DCUN1D4: variants seen among roughly 807,000 people sequenced by gnomAD.
The protein encoded by DCUN1D4 is defective in cullin neddylation 1 domain containing 4, also known as DCN1-like protein 4.
Under a neutral mutation model 47.9 loss-of-function variants are expected in DCUN1D4, and 22 were observed. The observed-to-expected ratio is 0.46, with a 90% confidence interval of 0.33 to 0.66. The LOEUF (loss-of-function observed/expected upper bound fraction) is 0.66. Ranked by LOEUF, DCUN1D4 falls within the 30% of genes least tolerant of loss-of-function variation. DCUN1D4 has a pLI of 0.02. For synonymous variants in DCUN1D4, 121 were observed against 112.2 expected (o/e 1.08, Z -0.50); for missense variants, 301 against 340.8 (o/e 0.88, Z 0.92).
Position 51,878,799 on chromosome 4 carries a change from G to T in DCUN1D4, c.343+945G>T, listed in dbSNP as rs550816944. On this transcript the variant is annotated intron_variant, in intron 5 of 10. Coordinates refer to ENST00000334635, the MANE Select transcript of DCUN1D4 (RefSeq NM_001040402.3). Reference sequence around the variant, plus strand: ...AGTAGCCTTTTCTGTACTTCCACAGGATAGTGTTTATAACTTGTTGTAACT... The same window carrying T: ...AGTAGCCTTTTCTGTACTTCCACAGTATAGTGTTTATAACTTGTTGTAACT... Among the ~76,000 whole-genome samples the T allele has an allele frequency of 3.9e-5, 6 of 152,270 alleles. No homozygotes were observed. The South Asian group carries it at 1.2e-3, about 32-fold the overall frequency.
intron 1 of DCUN1D4, chr4:51,843,473 C>A (rs1460131015): frequency 5.8e-6 from 7 of 1,205,818 alleles, no homozygotes; most frequent in Non-Finnish European, 7.4e-6. Flanking sequence ...GGGAAGGGAC[C>A]GGCCTGCGGG....
intron 7 of DCUN1D4, among the ~76,000 whole-genome samples, 179 bp downstream of exon 7, chr4:51,892,030 T>TTATA (rs1730508502): frequency 6.6e-6 from 1 of 152,148 alleles, no homozygotes; most frequent in African/African-American, 2.4e-5. Flanking sequence ...TCTGGGCAAA[T>TTATA]TTATAAAGTG....
chr4:51,869,043 G>A (rs1456848667), intron 3 of DCUN1D4, among the ~76,000 whole-genome samples: 1 of 145,892 alleles, frequency 6.9e-6, no homozygotes, highest in African/African-American at 2.6e-5. Flanking sequence ...GCTTGAATCT[G>A]GACCCGGGGG....
At chr4:51,846,872 A>G (rs1722631899) in intron 1 of DCUN1D4, among the ~76,000 whole-genome samples, 1 of 152,132 alleles carries the variant, frequency 6.6e-6, no homozygotes, top group South Asian at 2.1e-4. Flanking sequence ...CATTTGCCTC[A>G]TGTTTGCAGT....
rs1409529196 is a variant in DCUN1D4, at chr4:51,916,807, GAATAA to G, written c.*3226_*3230del. The G allele has an allele frequency of 6.6e-6, 1 of 152,568 alleles. No individual in the cohort carries two copies. Among genetic ancestry groups the G allele is most frequent in the Non-Finnish European group, 1.5e-5 (1 of 68,012 alleles). 9.5% of individuals were successfully genotyped at this position (152,568 alleles called of 1,614,324 possible). A position where few individuals can be genotyped will look rare whatever the true frequency, so the allele number is the denominator to read the frequency against. Reference sequence around the variant, plus strand: ...ACATTGATGTAAAATGATATCCCATGAATAAAAAGTATTTGTGTTTGGTTTCAGAA... The same window carrying G: ...ACATTGATGTAAAATGATATCCCATGAAAGTATTTGTGTTTGGTTTCAGAA... On this transcript the variant is annotated 3_prime_UTR_variant, in exon 11 of 11. Transcript: ENST00000334635.
At chr4:51,905,314 C>T (rs373560403) in intron 8 of DCUN1D4, 6 of 425,282 alleles carry the variant, frequency 1.4e-5, no homozygotes, top group Admixed American at 7.2e-5. Context: ...CTGCCCTTGA[C>T]GTCCAGGCCA....
chr4:51,890,756 G>A (rs1257877173), intron 6 of DCUN1D4, among the ~76,000 whole-genome samples: 3 of 152,204 alleles, frequency 2.0e-5, no homozygotes, highest in African/African-American at 7.2e-5. Context: ...TCCCTGTGTA[G>A]CATTCCAGAT....
chr4:51,906,866 G>C (rs1001940366), intron 8 of DCUN1D4, among the ~76,000 whole-genome samples: 2 of 152,166 alleles, frequency 1.3e-5, no homozygotes, highest in Non-Finnish European at 1.5e-5. Flanking sequence ...AAGAGCTCCA[G>C]CTTAGAATCA....
At chr4:51,881,821 A>G (rs1728683096) in intron 5 of DCUN1D4, among the ~76,000 whole-genome samples, 1 of 152,186 alleles carries the variant, frequency 6.6e-6, no homozygotes. Context: ...TAGAATCCCA[A>G]CAAATCATGC....
chr4:51,883,842 A>C (rs1198345423), intron 5 of DCUN1D4, among the ~76,000 whole-genome samples: 1 of 152,110 alleles, frequency 6.6e-6, no homozygotes, highest in African/African-American at 2.4e-5. Context: ...GAGGAGTTAG[A>C]GGGGACAACT....
chr4:51,856,148 G>A (rs1487923523), intron 1 of DCUN1D4, among the ~76,000 whole-genome samples: 1 of 152,104 alleles, frequency 6.6e-6, no homozygotes, highest in African/African-American at 2.4e-5. Flanking sequence ...GTCCAATTTT[G>A]TTTTGCTTTT....
Position 51,858,271 on chromosome 4 carries a change from T to C in DCUN1D4, c.26-5166T>C, listed in dbSNP as rs114291684. 2.3e-3 allele frequency among the ~76,000 whole-genome samples: 357 copies of C among 152,298 alleles called. 1 individual carries two copies. The highest frequency in any genetic ancestry group is 8.4e-3 in the African/African-American group (350 of 41,554). On this transcript the variant is annotated intron_variant, in intron 1 of 10. Coordinates refer to ENST00000334635, the MANE Select transcript of DCUN1D4 (RefSeq NM_001040402.3). ...ATTAAAATGGAAACCTGATGAAGTA[T>C]GAGAGCAACCATGTTATTATTAGGG...
chr4:51,890,113 C>T (rs1730183482), intron 6 of DCUN1D4, among the ~76,000 whole-genome samples: 1 of 152,034 alleles, frequency 6.6e-6, no homozygotes, highest in African/African-American at 2.4e-5. Flanking sequence ...TTAGACAAAG[C>T]TAGAGATTTT....
At chr4:51,837,392 G>A in the DCUN1D4 span, among the ~76,000 whole-genome samples, 3 of 152,182 alleles carry the variant, frequency 2.0e-5, no homozygotes, top group South Asian at 2.1e-4. Flanking sequence ...CTTAGGCCGG[G>A]CGCGGTGGCT....
intron 8 of DCUN1D4, among the ~76,000 whole-genome samples, chr4:51,902,973 A>G (rs991169173): frequency 2.0e-5 from 3 of 152,110 alleles, no homozygotes; most frequent in African/African-American, 7.2e-5. Flanking sequence ...ACAACTGTGT[A>G]CTTTCATTTT....
chr4:51,863,415 A>AT (rs1560466641), intron 1 of DCUN1D4, 22 bp from the exon 2 acceptor site: 1 of 1,580,244 alleles, frequency 6.3e-7, no homozygotes, highest in Admixed American at 1.7e-5. Context: ...TGACGCTGAC[A>AT]TTTTTCCTTT....
upstream of DCUN1D4, among the ~76,000 whole-genome samples, chr4:51,840,773 T>C (rs1721609030): frequency 6.6e-6 from 1 of 152,208 alleles, no homozygotes; most frequent in Non-Finnish European, 1.5e-5. Context: ...CCAGGTAATA[T>C]TTGCAGAGCA....
intron 3 of DCUN1D4, among the ~76,000 whole-genome samples, chr4:51,869,123 CAA>C (rs531280197): frequency 2.6e-4 from 10 of 38,584 alleles, no homozygotes; most frequent in African/African-American, 6.4e-4. Context: ...GACTCCATCT[CAA>C]AAAAAAAAAA....
At chr4:51,863,811 T>C (rs1359314001) in intron 3 of DCUN1D4, 102 bp downstream of exon 3, 3 of 1,241,940 alleles carry the variant, frequency 2.4e-6, no homozygotes, top group East Asian at 5.0e-5. Flanking sequence ...ATGTACTCCA[T>C]TAACAAATTG....
Sources: allele counts gnomAD v4.1 joint callset (sites outside exome capture counted in the v4.1 genomes callset), GRCh38; gene constraint gnomAD v4.1.1; transcripts MANE v1.5; gene names NCBI Gene and HGNC (gene_info 2026-07-23, HGNC 2026-07-21).